Variants in STK32B observed in about 807,000 individuals in gnomAD.
STK32B encodes the protein serine/threonine-protein kinase 32B.
STK32B carries 43 observed loss-of-function variants against 52.6 expected under a neutral mutation model. The ratio of observed to expected loss-of-function variants is 0.82; its 90% CI spans 0.64 to 1.05. The LOEUF is 1.05. Among genes scored for constraint, STK32B ranks in the 50% least tolerant of loss-of-function variants. The pLI is 0.00. For missense variants in STK32B, 621 were observed against 534.6 expected (o/e 1.16, Z -1.59); for synonymous variants, 238 against 204.3 (o/e 1.17, Z -1.41).
At chr4:5,042,756 A>G in the STK32B span, among the ~76,000 whole-genome samples, 1 of 152,338 alleles carries the variant, frequency 6.6e-6, no homozygotes, top group East Asian at 1.9e-4. Context: ...GGTTAAATGC[A>G]TGATCCCGTC....
intron 3 of STK32B, among the ~76,000 whole-genome samples, chr4:5,310,297 G>A (rs530508792): frequency 6.6e-6 from 1 of 152,090 alleles, no homozygotes; most frequent in East Asian, 1.9e-4. Context: ...ACTGACAAGG[G>A]GTTAATATTC....
chr4:5,105,394 T>C (rs1481134473), intron 1 of STK32B, among the ~76,000 whole-genome samples: 1 of 152,228 alleles, frequency 6.6e-6, no homozygotes, highest in Non-Finnish European at 1.5e-5. Context: ...ATATCCTCTT[T>C]AGCGAAATAC....
At chr4:5,431,299 A>G (rs759338566) in intron 6 of STK32B, among the ~76,000 whole-genome samples, 8 of 152,224 alleles carry the variant, frequency 5.3e-5, no homozygotes, top group Non-Finnish European at 1.0e-4. Flanking sequence ...AGCAAGTTCA[A>G]TGGAAAATTC....
At chr4:5,055,729 C>T (rs951103780) in intron 1 of STK32B, among the ~76,000 whole-genome samples, 1 of 152,196 alleles carries the variant, frequency 6.6e-6, no homozygotes, top group African/African-American at 2.4e-5. Context: ...GCCCTGGCAC[C>T]TGCCCCTCTT....
chr4:5,227,384 G>T lies in STK32B; in HGVS notation c.260+58934G>T, dbSNP rs745400730. On this transcript the variant is annotated intron_variant, in intron 3 of 11. Coordinates refer to ENST00000282908, the MANE Select transcript of STK32B (RefSeq NM_018401.3). ...TGAAAAATAGTCACTGACTTATTTA[G>T]ACCTTCCACATATTGGCATATTCCA... Among the ~76,000 whole-genome samples, 4 of 152,242 alleles carry T rather than the reference G, an allele frequency of 2.6e-5. No homozygotes were observed. In the South Asian group the frequency reaches 6.2e-4, roughly 24 times the overall value.
intron 3 of STK32B, among the ~76,000 whole-genome samples, chr4:5,225,342 G>C (rs780412635): frequency 6.6e-6 from 1 of 152,078 alleles, no homozygotes; most frequent in Non-Finnish European, 1.5e-5. Flanking sequence ...AGGAGGCGGA[G>C]GTTGCTGTGA....
At chr4:5,019,956 G>A in the STK32B span, among the ~76,000 whole-genome samples, 166 of 152,268 alleles carry the variant, frequency 1.1e-3, 1 homozygote, top group Middle Eastern at 0.014. Context: ...GCAGAGCTGC[G>A]GTCAGGCCAC....
At chr4:5,449,255 A>G (rs780835624) in intron 7 of STK32B, among the ~76,000 whole-genome samples, 4 of 152,158 alleles carry the variant, frequency 2.6e-5, no homozygotes, top group African/African-American at 4.8e-5. Flanking sequence ...AGGCAGGAGA[A>G]TTGCTTGAAC....
At chr4:5,475,136 G>C (rs181959692) in intron 11 of STK32B, among the ~76,000 whole-genome samples, 31 of 152,208 alleles carry the variant, frequency 2.0e-4, no homozygotes, top group Non-Finnish European at 2.8e-4. Flanking sequence ...GGTTTAAAAA[G>C]TGTGGCCAGG....
chr4:5,437,199 T>C (rs1419467561), intron 6 of STK32B, among the ~76,000 whole-genome samples: 1 of 152,232 alleles, frequency 6.6e-6, no homozygotes, highest in Non-Finnish European at 1.5e-5. Flanking sequence ...CCTTGGCAAG[T>C]TCCTTACCCC....
chr4:5,124,569 A>T (rs1411781360), intron 1 of STK32B, among the ~76,000 whole-genome samples: 1 of 152,230 alleles, frequency 6.6e-6, no homozygotes, highest in African/African-American at 2.4e-5. Flanking sequence ...AAAAAACAGA[A>T]GATCTTAACT....
At chr4:5,168,276 T>C in intron 2 of STK32B, 23 bp from the exon 3 acceptor site, 1 of 1,598,450 alleles carries the variant, frequency 6.3e-7, no homozygotes, top group Non-Finnish European at 8.6e-7. Context: ...GCCTGACTGT[T>C]CTCTCCTTTG....
At chr4:5,309,537 A>G (rs1283596672) in intron 3 of STK32B, among the ~76,000 whole-genome samples, 1 of 152,220 alleles carries the variant, frequency 6.6e-6, no homozygotes, top group East Asian at 1.9e-4. Context: ...ATGAAACCAC[A>G]TAGACCAATG....
At chr4:5,475,559 C>T (rs1051057406) in intron 11 of STK32B, among the ~76,000 whole-genome samples, 3 of 148,982 alleles carry the variant, frequency 2.0e-5, no homozygotes, top group African/African-American at 7.4e-5. Flanking sequence ...ATTAGGCAAG[C>T]GTGGTGGTGC....
chr4:5,162,147 T>C (rs1426560673), intron 2 of STK32B, among the ~76,000 whole-genome samples: 1 of 152,334 alleles, frequency 6.6e-6, no homozygotes, highest in East Asian at 1.9e-4. Context: ...AGCACAGCTC[T>C]AGCCTCTCTG....
intron 3 of STK32B, among the ~76,000 whole-genome samples, chr4:5,296,916 C>G (rs1233378011): frequency 1.3e-5 from 2 of 152,022 alleles, no homozygotes; most frequent in Non-Finnish European, 2.9e-5. Flanking sequence ...TGGCTGGTAC[C>G]TGTTTTTACT....
At chr4:5,348,541 C>T (rs1733615797) in intron 4 of STK32B, among the ~76,000 whole-genome samples, 1 of 152,164 alleles carries the variant, frequency 6.6e-6, no homozygotes, top group Non-Finnish European at 1.5e-5. Flanking sequence ...TTTTTATGTG[C>T]TGTGAGGACA....
At chr4:5,488,222 C>T (rs1056962762) in intron 11 of STK32B, among the ~76,000 whole-genome samples, 49 of 152,202 alleles carry the variant, frequency 3.2e-4, no homozygotes, top group African/African-American at 1.0e-3. Context: ...CACTTGAACC[C>T]GGGAGGCAGA....
intron 4 of STK32B, among the ~76,000 whole-genome samples, chr4:5,357,016 T>TAC (rs1460643059): frequency 1.4e-5 from 2 of 147,584 alleles, no homozygotes; most frequent in African/African-American, 5.1e-5. Context: ...TGTATATATA[T>TAC]ATATATACAC....
Sources: allele counts gnomAD v4.1 joint callset (sites outside exome capture counted in the v4.1 genomes callset), GRCh38; gene constraint gnomAD v4.1.1; transcripts MANE v1.5; gene names NCBI Gene and HGNC (gene_info 2026-07-23, HGNC 2026-07-21).